The following CRAMP1 variants were observed in gnomAD, a reference collection of about 807,000 sequenced individuals.
CRAMP1 encodes the protein cramped chromatin regulator 1, also known as protein cramped-like.
In CRAMP1, 50 loss-of-function variants were observed where a neutral mutation model predicts 115.4. The observed-to-expected ratio is 0.43, with a 90% CI of 0.35 to 0.55. CRAMP1 has a LOEUF of 0.55. CRAMP1 is among the 20% of genes least tolerant of loss of function. The pLI, the probability that CRAMP1 is intolerant of heterozygous loss-of-function variation, is 0.01. For missense variants in CRAMP1, 1,679 were observed against 1,721.7 expected (o/e 0.98, Z 0.44); for synonymous variants, 866 against 745.4 (o/e 1.16, Z -2.64).
At position 1,676,125 on chromosome 16, in the gene CRAMP1, C is replaced by G. The variant is rs2036965232; in HGVS notation, c.*2080C>G. The G allele has an allele frequency of 6.6e-6, 1 of 152,282 alleles. No homozygotes were observed. The highest frequency in any genetic ancestry group is 6.5e-5 in the Admixed American group (1 of 15,290). The allele number at this position is 152,282 out of a possible 1,614,324, so 9.4% of individuals were successfully genotyped here. A position where few individuals can be genotyped will look rare whatever the true frequency, so the allele number is the denominator to read the frequency against. ...CAGGGACAGGAGGGTTTGTGAACTG[C>G]CTGTCAGGGTACCTGTTAGCCCCTG... On this transcript the variant is annotated 3_prime_UTR_variant, in exon 21 of 21. Transcript: ENST00000397412.
At position 1,669,639 on chromosome 16, in the gene CRAMP1, G is replaced by A. The variant is rs2036905043; in HGVS notation, c.3499+474G>A. Among the ~76,000 whole-genome samples the A allele has an allele frequency of 6.6e-6, 1 of 152,198 alleles. No individual in the cohort carries two copies. The highest frequency in any genetic ancestry group is 2.1e-4 in the South Asian group (1 of 4,834). On this transcript the variant is annotated intron_variant, in intron 19 of 20. Coordinates refer to ENST00000397412, the MANE Select transcript of CRAMP1 (RefSeq NM_020825.4). The surrounding 1 kb of genome is among the most constrained non-coding windows in gnomAD (Gnocchi z 4.6). ...TTGAATATAGATCGGAGAGTTCAGA[G>A]GACGTGTCCATCCTCCTCCCCCACT...
chr16:1,661,948 C>G (rs553697804), intron 11 of CRAMP1, among the ~76,000 whole-genome samples: 2 of 152,322 alleles, frequency 1.3e-5, no homozygotes, highest in Non-Finnish European at 2.9e-5. Context: ...GAGATTTACA[C>G]CAGGGAGCAG....
chr16:1,637,657 C>T (rs1184968618), intron 4 of CRAMP1, among the ~76,000 whole-genome samples, 167 bp from the exon 5 acceptor site: 2 of 152,322 alleles, frequency 1.3e-5, no homozygotes, highest in South Asian at 2.1e-4. Flanking sequence ...GACACAGCAC[C>T]GTGTTCTATA....
chr16:1,650,850 A>G (rs1336463419), intron 6 of CRAMP1, among the ~76,000 whole-genome samples: 1 of 152,276 alleles, frequency 6.6e-6, no homozygotes, highest in African/African-American at 2.4e-5. Flanking sequence ...TGCCCTGAGC[A>G]TTTTGTAAAA....
chr16:1,648,787 G>A (rs568257328), intron 6 of CRAMP1, among the ~76,000 whole-genome samples: 17 of 151,008 alleles, frequency 1.1e-4, no homozygotes, highest in African/African-American at 3.2e-4. Flanking sequence ...GGCCGGGCGC[G>A]GTGGCTCACG....
intron 11 of CRAMP1, among the ~76,000 whole-genome samples, chr16:1,661,593 ATTTT>A (rs1307504814): frequency 7.8e-6 from 1 of 127,662 alleles, no homozygotes. Context: ...CTATGAAAGA[ATTTT>A]TTTTTTTTTT....
chr16:1,653,681 A>G (rs1029459374), intron 8 of CRAMP1, among the ~76,000 whole-genome samples: 18 of 151,524 alleles, frequency 1.2e-4, no homozygotes, highest in African/African-American at 4.4e-4. Context: ...TACAAAAAAA[A>G]AAGGTGGCAG....
In CRAMP1 at chr16:1,668,202, A is replaced by AG. The variant is rs2036892992; in HGVS notation, c.3334+12dup. On this transcript the variant is annotated intron_variant, in intron 18 of 20. Coordinates refer to ENST00000397412, the MANE Select transcript of CRAMP1 (RefSeq NM_020825.4). ...CAGCTCCGGTCAGTACGGTAAGGGC[A>AG]GGGCGGCCTCACAGCCCTTCCTGTC... The AG allele has an allele frequency of 6.3e-7, 1 of 1,598,776 alleles. No individual in the cohort carries two copies.
chr16:1,673,255 T>G (rs556574205), intron 20 of CRAMP1, among the ~76,000 whole-genome samples: 28 of 137,882 alleles, frequency 2.0e-4, no homozygotes, highest in Middle Eastern at 4.5e-3. Context: ...GCCCCCCACC[T>G]GTCCTCATGT....
intron 2 of CRAMP1, among the ~76,000 whole-genome samples, chr16:1,617,273 T>G (rs1404889589): frequency 6.6e-6 from 1 of 152,240 alleles, no homozygotes; most frequent in East Asian, 1.9e-4. Flanking sequence ...GCCTGTCCGC[T>G]GCTCTCTGCT....
At chr16:1,662,275 A>G (rs2036838104) in intron 11 of CRAMP1, among the ~76,000 whole-genome samples, 1 of 152,192 alleles carries the variant, frequency 6.6e-6, no homozygotes, top group Non-Finnish European at 1.5e-5. Flanking sequence ...TATCCAGGAG[A>G]CCAGTGGTCT....
chr16:1,641,100 T>C (rs1264133736), intron 5 of CRAMP1, 39 bp from the exon 6 acceptor site: 1 of 1,464,816 alleles, frequency 6.8e-7, no homozygotes. Flanking sequence ...TGCTCCTAAC[T>C]ACATTGTGGT....
chr16:1,658,049 T>C (rs981408553), intron 10 of CRAMP1, among the ~76,000 whole-genome samples: 5 of 152,194 alleles, frequency 3.3e-5, no homozygotes, highest in African/African-American at 1.2e-4. Context: ...TTCTGAGTGA[T>C]GCTCACTTCT....
chr16:1,614,722 TG>T lies in CRAMP1; in HGVS notation c.85del (p.Glu29LysfsTer118). The T allele has an allele frequency of 7.4e-7, 1 of 1,359,804 alleles. No homozygotes were observed. 84.2% of individuals were successfully genotyped at this position (1,359,804 alleles called of 1,614,324 possible). A position where few individuals can be genotyped will look rare whatever the true frequency, so the allele number is the denominator to read the frequency against. ...LGKRAADEES[L>X]EGEGAGGADA... ...AAGCGGGCGGCCGATGAGGAGTCCC[TG>T]GAAGGAGAAGGGGCCGGCGGCGCAG... On this transcript the variant is annotated frameshift_variant, in exon 2 of 21. Transcript: ENST00000397412. LOFTEE classifies it high-confidence loss of function. This position sits in a 1 kb window ranked among gnomAD's most constrained non-coding sequence, Gnocchi z 4.4.
At chr16:1,625,373 A>C (rs1482408827) in intron 2 of CRAMP1, among the ~76,000 whole-genome samples, 1 of 152,120 alleles carries the variant, frequency 6.6e-6, no homozygotes, top group Non-Finnish European at 1.5e-5. Flanking sequence ...TGATGCTATA[A>C]TAGGATTTGC....
At chr16:1,646,582 C>T (rs565356415) in intron 6 of CRAMP1, among the ~76,000 whole-genome samples, 1 of 152,286 alleles carries the variant, frequency 6.6e-6, no homozygotes, top group African/African-American at 2.4e-5. Context: ...TTGGATACTC[C>T]ATCTGCAAAT....
Position 1,656,278 on chromosome 16 carries a change from C to A in CRAMP1, c.1521C>A (p.Asp507Glu). Residue 507 changes from aspartate to glutamate, a missense_variant, in exon 10 of 21, where the codon GAC (aspartate) becomes GAA (glutamate). By Grantham distance (45) the Asp-to-Glu change is conservative. Transcript: ENST00000397412. The surrounding 1 kb of genome is among the most constrained non-coding windows in gnomAD (Gnocchi z 5.6). ...EGAALSLSSP[D>E]APDRPPPRHQ... The stretch of plus-strand genomic sequence containing the variant: ...CTGCCCTAAGCTTGAGCAGCCCGGA[C>A]GCTCCTGACAGGCCTCCTCCCAGGC... The A allele has an allele frequency of 1.2e-6, 2 of 1,611,780 alleles. No individual in the cohort carries two copies. Among genetic ancestry groups the A allele is most frequent in the Non-Finnish European group, 1.7e-6 (2 of 1,179,720 alleles).
Position 1,612,981 on chromosome 16 carries a change from G to T in CRAMP1, c.-2+324G>T, listed in dbSNP as rs780200537. 7.2e-5 allele frequency among the ~76,000 whole-genome samples: 11 copies of T among 152,084 alleles called. No homozygotes were observed. In the East Asian group the frequency reaches 2.1e-3, roughly 30 times the overall value. ...TTTCAGTGGCGAAAAGCGCTTCCCC[G>T]TGCTCGGTCGGCGTCTTGGGTGTGG... On this transcript the variant is annotated intron_variant, in intron 1 of 20. Coordinates refer to ENST00000397412, the MANE Select transcript of CRAMP1 (RefSeq NM_020825.4).
intron 2 of CRAMP1, among the ~76,000 whole-genome samples, chr16:1,624,417 CTT>C (rs35272341): frequency 1.7e-4 from 24 of 142,936 alleles, no homozygotes; most frequent in Admixed American, 2.1e-4. Context: ...TTGGCTTTTG[CTT>C]TTTTTTTTTT....
Sources: allele counts gnomAD v4.1 joint callset (sites outside exome capture counted in the v4.1 genomes callset), GRCh38; gene constraint gnomAD v4.1.1; non-coding constraint Gnocchi (gnomAD v3.1); transcripts MANE v1.5; gene names NCBI Gene and HGNC (gene_info 2026-07-23, HGNC 2026-07-21).